Variants in TMEM132D observed in about 807,000 individuals in gnomAD.
The protein encoded by TMEM132D is transmembrane protein 132D.
A neutral mutation model predicts 62.3 loss-of-function variants in TMEM132D; 21 were observed. The observed-to-expected ratio is 0.34, with a 90% CI of 0.24 to 0.49. TMEM132D has a LOEUF of 0.49. Among genes scored for constraint, TMEM132D ranks in the 20% least tolerant of loss-of-function variants. The pLI is 0.99. For missense variants in TMEM132D, 1,346 were observed against 1,402.8 expected (o/e 0.96, Z 0.65); for synonymous variants, 621 against 575.6 (o/e 1.08, Z -1.13).
chr12:129,276,688 G>C (rs1418468007), intron 4 of TMEM132D, among the ~76,000 whole-genome samples: 1 of 152,162 alleles, frequency 6.6e-6, no homozygotes, highest in East Asian at 1.9e-4. Flanking sequence ...CACTTACGCC[G>C]ATAGTTTTAA....
At chr12:129,665,057 C>A (rs2137195151) in intron 2 of TMEM132D, among the ~76,000 whole-genome samples, 1 of 152,266 alleles carries the variant, frequency 6.6e-6, no homozygotes, top group South Asian at 2.1e-4. Flanking sequence ...TAACTACTAA[C>A]ACACAGTTAG....
At chr12:129,758,078 T>A (rs1870230262) in intron 1 of TMEM132D, among the ~76,000 whole-genome samples, 1 of 152,122 alleles carries the variant, frequency 6.6e-6, no homozygotes, top group Non-Finnish European at 1.5e-5. Flanking sequence ...AATTATTTTG[T>A]ATTTTTAGTA....
chr12:129,703,483 A>C (rs918175392), intron 1 of TMEM132D, among the ~76,000 whole-genome samples: 3 of 149,670 alleles, frequency 2.0e-5, no homozygotes, highest in African/African-American at 7.3e-5. Context: ...TTTTTAACTA[A>C]TACTACAAAA....
intron 1 of TMEM132D, among the ~76,000 whole-genome samples, chr12:129,864,961 T>C (rs946391577): frequency 1.3e-5 from 2 of 151,994 alleles, no homozygotes; most frequent in Non-Finnish European, 2.9e-5. Context: ...ATCCAAACTC[T>C]ATGTGAGCTC....
Position 129,827,194 on chromosome 12 carries a change from C to G in TMEM132D, c.79+76067G>C, listed in dbSNP as rs993178230. On this transcript the variant is annotated intron_variant, in intron 1 of 8. Transcript: ENST00000422113. The surrounding 1 kb of genome is among the most constrained non-coding windows in gnomAD (Gnocchi z 9.7). ...GATCTTCTGCTAAGCTCTCCCCAGGCTTGACCTTTTAAATTCTTAAGGCTG... is the reference window on the plus strand; with the variant it reads ...GATCTTCTGCTAAGCTCTCCCCAGGGTTGACCTTTTAAATTCTTAAGGCTG... Among the ~76,000 whole-genome samples, 2 of 152,194 alleles carry G rather than the reference C, an allele frequency of 1.3e-5. No homozygotes were observed. Among genetic ancestry groups the G allele is most frequent in the Non-Finnish European group, 2.9e-5 (2 of 68,038 alleles).
intron 4 of TMEM132D, among the ~76,000 whole-genome samples, chr12:129,223,021 C>A (rs1487183100): frequency 6.6e-6 from 1 of 152,034 alleles, no homozygotes; most frequent in Admixed American, 6.6e-5. Flanking sequence ...CTTAAACATA[C>A]ACAATGTTTA....
At chr12:129,221,057 A>T (rs966774819) in intron 4 of TMEM132D, among the ~76,000 whole-genome samples, 8 of 152,232 alleles carry the variant, frequency 5.3e-5, no homozygotes, top group African/African-American at 1.9e-4. Context: ...TTGTTCCTTC[A>T]TATTTTCCAG....
intron 3 of TMEM132D, among the ~76,000 whole-genome samples, chr12:129,460,384 C>T (rs929266420): frequency 5.9e-5 from 9 of 152,142 alleles, no homozygotes; most frequent in African/African-American, 2.2e-4. Flanking sequence ...CGGATAAGGT[C>T]CTTGAGAAAT....
intron 3 of TMEM132D, among the ~76,000 whole-genome samples, chr12:129,406,320 G>A (rs770782435): frequency 1.3e-5 from 2 of 152,258 alleles, no homozygotes; most frequent in Non-Finnish European, 2.9e-5. Context: ...TATATGCAAT[G>A]TAGATAGGAA....
chr12:129,773,549 AGAGG>A (rs1466252388), intron 1 of TMEM132D, among the ~76,000 whole-genome samples: 2 of 152,342 alleles, frequency 1.3e-5, no homozygotes, highest in African/African-American at 4.8e-5. Flanking sequence ...GCAAAAACCC[AGAGG>A]GAGAGACAAG....
chr12:129,705,177 T>C (rs1243919784), intron 1 of TMEM132D, among the ~76,000 whole-genome samples: 2 of 152,208 alleles, frequency 1.3e-5, no homozygotes, highest in East Asian at 3.8e-4. Flanking sequence ...ATTCAGATGA[T>C]GGAGCTCCTA....
chr12:129,242,895 A>ATTAATCATTT (rs1555240707), intron 4 of TMEM132D, among the ~76,000 whole-genome samples: 3 of 152,260 alleles, frequency 2.0e-5, no homozygotes, highest in African/African-American at 2.4e-5. Flanking sequence ...TGAATAAAAC[A>ATTAATCATTT]ACAGGCTTGA....
chr12:129,267,038 C>A (rs1020099187), intron 4 of TMEM132D, among the ~76,000 whole-genome samples: 2 of 152,154 alleles, frequency 1.3e-5, no homozygotes, highest in Non-Finnish European at 2.9e-5. Context: ...AAGGTCCTAG[C>A]AAGCCCCACA....
At chr12:129,482,746 T>A (rs966518098) in intron 3 of TMEM132D, among the ~76,000 whole-genome samples, 4 of 152,124 alleles carry the variant, frequency 2.6e-5, no homozygotes, top group African/African-American at 9.7e-5. Context: ...CAAAGTTATT[T>A]TACTAATTTT....
Position 129,903,366 on chromosome 12 carries a change from C to T in TMEM132D, c.-27G>A, listed in dbSNP as rs747421405. 12 of 1,549,412 alleles carry T rather than the reference C, an allele frequency of 7.7e-6. No individual in the cohort carries two copies. The highest frequency in any genetic ancestry group is 2.6e-6 in the Non-Finnish European group (3 of 1,145,422). On this transcript the variant is annotated 5_prime_UTR_variant, in exon 1 of 9. Coordinates refer to ENST00000422113, the MANE Select transcript of TMEM132D (RefSeq NM_133448.3). The surrounding 1 kb of genome is among the most constrained non-coding windows in gnomAD (Gnocchi z 6.2). Reference sequence around the variant, plus strand: ...CTGGAGACCCGGAGCGCAGATCCTCCGCTCCCCGGCGCCGTCCAGGCGAAC... The same window carrying T: ...CTGGAGACCCGGAGCGCAGATCCTCTGCTCCCCGGCGCCGTCCAGGCGAAC...
At chr12:129,544,210 T>C (rs1477992193) in intron 2 of TMEM132D, among the ~76,000 whole-genome samples, 1 of 152,252 alleles carries the variant, frequency 6.6e-6, no homozygotes, top group Non-Finnish European at 1.5e-5. Context: ...CATATTTATC[T>C]TTGAATTTTT....
At chr12:129,855,155 G>A (rs1309241858) in intron 1 of TMEM132D, among the ~76,000 whole-genome samples, 2 of 116,074 alleles carry the variant, frequency 1.7e-5, no homozygotes, top group African/African-American at 6.7e-5. Flanking sequence ...AACGGGATGG[G>A]TGCCCTTATA....
At chr12:129,732,544 G>A (rs1379719729) in intron 1 of TMEM132D, among the ~76,000 whole-genome samples, 4 of 152,220 alleles carry the variant, frequency 2.6e-5, no homozygotes, top group African/African-American at 9.6e-5. Flanking sequence ...GTAAAATTGT[G>A]TGGCACCTCC....
intron 3 of TMEM132D, among the ~76,000 whole-genome samples, chr12:129,525,325 T>C (rs141381454): frequency 5.3e-4 from 76 of 144,204 alleles, no homozygotes; most frequent in African/African-American, 1.9e-3. Flanking sequence ...GTATCCCTAA[T>C]GCAGAAGTTA....
Sources: allele counts gnomAD v4.1 joint callset (sites outside exome capture counted in the v4.1 genomes callset), GRCh38; gene constraint gnomAD v4.1.1; non-coding constraint Gnocchi (gnomAD v3.1); transcripts MANE v1.5; gene names NCBI Gene and HGNC (gene_info 2026-07-23, HGNC 2026-07-21).